FOCAD: variants seen among roughly 807,000 people sequenced by gnomAD.
FOCAD encodes the protein KIAA1797.
Under a neutral mutation model 225.6 loss-of-function variants are expected in FOCAD, and 198 were observed. The ratio of observed to expected loss-of-function variants is 0.88; its 90% CI spans 0.78 to 0.99. The LOEUF is 0.99. Among genes scored for constraint, FOCAD ranks in the 50% least tolerant of loss-of-function variants. The probability of loss-of-function intolerance (pLI) is 0.00; values close to 1 mark genes in which losing one functional copy is unlikely to be tolerated. For missense variants in FOCAD, 2,713 were observed against 2,123.6 expected (o/e 1.28, Z -5.46); for synonymous variants, 897 against 755.0 (o/e 1.19, Z -3.08).
chr9:20,782,501 C>T (rs555987439), intron 10 of FOCAD, among the ~76,000 whole-genome samples: 7 of 152,284 alleles, frequency 4.6e-5, no homozygotes, highest in East Asian at 3.9e-4. Flanking sequence ...TGCCTCATTC[C>T]GCTTTTTCAG....
chr9:20,910,360 T>C (rs1202978999), intron 22 of FOCAD, among the ~76,000 whole-genome samples: 4 of 152,022 alleles, frequency 2.6e-5, no homozygotes, highest in Admixed American at 2.6e-4. Context: ...TGAAAGCAAA[T>C]TGACTGTAGA....
At chr9:20,727,947 C>T (rs1826345872) in intron 4 of FOCAD, among the ~76,000 whole-genome samples, 1 of 152,150 alleles carries the variant, frequency 6.6e-6, no homozygotes, top group Non-Finnish European at 1.5e-5. Context: ...AAGAATCAAG[C>T]ATTATTTGTA....
chr9:20,954,529 C>G (rs1464530663), intron 35 of FOCAD, among the ~76,000 whole-genome samples: 1 of 152,106 alleles, frequency 6.6e-6, no homozygotes, highest in African/African-American at 2.4e-5. Context: ...ATCCATATTT[C>G]TTGGCAGACA....
chr9:20,867,178 CTG>C (rs1387609897), intron 18 of FOCAD, among the ~76,000 whole-genome samples, 166 bp downstream of exon 18: 5 of 151,750 alleles, frequency 3.3e-5, no homozygotes, highest in African/African-American at 1.2e-4. Context: ...ATGTAAAAGA[CTG>C]TAGAGGTTTG....
intron 23 of FOCAD, among the ~76,000 whole-genome samples, chr9:20,916,164 T>A (rs961137232): frequency 6.6e-6 from 1 of 152,196 alleles, no homozygotes; most frequent in Non-Finnish European, 1.5e-5. Flanking sequence ...TTATAAAACC[T>A]TCGAATTTAT....
At chr9:20,769,193 C>T (rs570527861) in intron 7 of FOCAD, among the ~76,000 whole-genome samples, 58 of 152,104 alleles carry the variant, frequency 3.8e-4, no homozygotes, top group African/African-American at 1.3e-3. Flanking sequence ...TCTTTTTTCT[C>T]TTGTTTGCTA....
intron 29 of FOCAD, among the ~76,000 whole-genome samples, chr9:20,946,395 G>A (rs60354369): frequency 0.017 from 2,659 of 152,238 alleles, 67 homozygotes; most frequent in African/African-American, 0.059. Context: ...GCATAATGTG[G>A]TGAAGAAATT....
intron 15 of FOCAD, among the ~76,000 whole-genome samples, chr9:20,858,846 G>T (rs530721423): frequency 3.9e-3 from 509 of 131,334 alleles, no homozygotes; most frequent in African/African-American, 0.014. Flanking sequence ...TCATTGACTG[G>T]TCTTTCAGGA....
intron 1 of FOCAD, among the ~76,000 whole-genome samples, chr9:20,703,016 A>C (rs1824090912): frequency 6.6e-6 from 1 of 152,148 alleles, no homozygotes; most frequent in Non-Finnish European, 1.5e-5. Context: ...CACAAAAAAA[A>C]CAAAACAAAA....
At chr9:20,709,598 G>T (rs1297424694) in intron 1 of FOCAD, among the ~76,000 whole-genome samples, 1 of 151,582 alleles carries the variant, frequency 6.6e-6, no homozygotes, top group Non-Finnish European at 1.5e-5. Flanking sequence ...TCCCTAAGAG[G>T]ATATGATGTT....
At chr9:20,878,778 C>T (rs545263852) in intron 19 of FOCAD, among the ~76,000 whole-genome samples, 78 of 152,272 alleles carry the variant, frequency 5.1e-4, no homozygotes, top group Non-Finnish European at 1.0e-3. Context: ...GGTAGTGTGG[C>T]TCCATTCAAG....
At chr9:20,900,243 T>C (rs1047833877) in intron 21 of FOCAD, among the ~76,000 whole-genome samples, 1 of 151,942 alleles carries the variant, frequency 6.6e-6, no homozygotes, top group African/African-American at 2.4e-5. Flanking sequence ...TTCTCCTTTC[T>C]TGGGCACATG....
At chr9:20,991,231 T>C (rs560533096) in intron 42 of FOCAD, among the ~76,000 whole-genome samples, 1 of 152,376 alleles carries the variant, frequency 6.6e-6, no homozygotes, top group South Asian at 2.1e-4. Flanking sequence ...ACTGTACTTC[T>C]CATTATATGT....
At chr9:20,752,376 T>C (rs1404836801) in intron 5 of FOCAD, among the ~76,000 whole-genome samples, 1 of 151,700 alleles carries the variant, frequency 6.6e-6, no homozygotes, top group Non-Finnish European at 1.5e-5. Context: ...TTTCTCCATA[T>C]GGCTAGCCAG....
chr9:20,842,241 C>T (rs1826612382), intron 15 of FOCAD, among the ~76,000 whole-genome samples: 1 of 151,684 alleles, frequency 6.6e-6, no homozygotes, highest in Non-Finnish European at 1.5e-5. Context: ...GGATGAAATG[C>T]AGTGTAAGTG....
intron 9 of FOCAD, among the ~76,000 whole-genome samples, chr9:20,781,401 C>T (rs916521800): frequency 1.3e-5 from 2 of 152,180 alleles, no homozygotes; most frequent in African/African-American, 2.4e-5. Flanking sequence ...AATTCTTGGT[C>T]TCTTAGCTCT....
intron 15 of FOCAD, among the ~76,000 whole-genome samples, chr9:20,846,460 C>A (rs964630920): frequency 6.6e-6 from 1 of 151,766 alleles, no homozygotes; most frequent in African/African-American, 2.4e-5. Context: ...AGCCAAAAGC[C>A]CACTACGTAA....
At chr9:20,688,280 C>G (rs1463098782) in intron 1 of FOCAD, among the ~76,000 whole-genome samples, 1 of 152,070 alleles carries the variant, frequency 6.6e-6, no homozygotes, top group Non-Finnish European at 1.5e-5. Flanking sequence ...TCCGAAAATG[C>G]AGTGCTGCTG....
Position 20,749,364 on chromosome 9 carries a change from A to C in FOCAD, c.393-8726A>C, listed in dbSNP as rs1408486685. ...CTTTCTAGGAGCTTATGTGGGAAGGATAAAGATGCATTTGTCTTAAAATTG... is the reference window on the plus strand; with the variant it reads ...CTTTCTAGGAGCTTATGTGGGAAGGCTAAAGATGCATTTGTCTTAAAATTG... On this transcript the variant is annotated intron_variant, in intron 5 of 43. Transcript: ENST00000338382. Among the ~76,000 whole-genome samples the C allele has an allele frequency of 2.0e-5, 3 of 152,186 alleles. No homozygotes were observed. The East Asian group carries it at 5.8e-4, about 29-fold the overall frequency.
Sources: gnomAD v4.1 joint callset for allele counts (sites outside exome capture counted in the v4.1 genomes callset) on GRCh38, gnomAD v4.1.1 for gene constraint, MANE v1.5 for transcripts, NCBI Gene and HGNC (gene_info 2026-07-23, HGNC 2026-07-21) for gene names.